Variants in POLA1 observed in about 807,000 individuals in gnomAD.
The protein encoded by POLA1 is DNA polymerase alpha catalytic subunit.
Under a neutral mutation model 124.0 loss-of-function variants are expected in POLA1, and 15 were observed. The observed-to-expected ratio is 0.12, with a 90% CI of 0.08 to 0.19. The LOEUF (loss-of-function observed/expected upper bound fraction) is 0.19. Among genes scored for constraint, POLA1 ranks in the 10% least tolerant of loss-of-function variants. The probability of loss-of-function intolerance (pLI) is 1.00; values close to 1 mark genes in which losing one functional copy is unlikely to be tolerated. For synonymous variants in POLA1, 408 were observed against 389.4 expected, an observed-to-expected ratio of 1.05 and a Z score of -0.56; for missense variants, 886 against 1,103.4, an observed-to-expected ratio of 0.80 and a Z score of 2.79.
intron 7 of POLA1, among the ~76,000 whole-genome samples, 200 bp downstream of exon 7, chrX:24,716,654 G>A (rs1411584049): frequency 1.8e-5 from 2 of 112,066 alleles, no homozygotes; most frequent in African/African-American, 6.5e-5. Flanking sequence ...GCAGTAACTA[G>A]TGTGTGTTTA....
At chrX:24,741,033 C>G (rs1170367190) in intron 20 of POLA1, among the ~76,000 whole-genome samples, 1 of 110,524 alleles carries the variant, frequency 9.0e-6, no homozygotes, top group African/African-American at 3.3e-5. Flanking sequence ...AATACATACT[C>G]ACTGGATGGA....
intron 26 of POLA1, among the ~76,000 whole-genome samples, chrX:24,798,544 A>G: frequency 9.0e-6 from 1 of 111,149 alleles, no homozygotes; most frequent in Non-Finnish European, 1.9e-5. Context: ...ATTTTAAGAA[A>G]CCATTTTTTT....
Position 24,996,095 on chromosome X carries a change from G to A in POLA1, c.*145G>A, listed in dbSNP as rs11573533. 10 of 495,954 alleles carry A rather than the reference G, an allele frequency of 2.0e-5. No homozygotes were observed. Among genetic ancestry groups the A allele is most frequent in the African/African-American group, 4.9e-5 (2 of 41,221 alleles). The allele number at this position is 495,954 out of a possible 1,213,427, so 40.9% of individuals were successfully genotyped here. A position where few individuals can be genotyped will look rare whatever the true frequency, so the allele number is the denominator to read the frequency against. Reference sequence around the variant, plus strand: ...TTTGTGTGAATGTAGACCAGGAAAGGGGGCTGCAAAAATGTTGAGTCTAAT... The same window carrying A: ...TTTGTGTGAATGTAGACCAGGAAAGAGGGCTGCAAAAATGTTGAGTCTAAT... On this transcript the variant is annotated 3_prime_UTR_variant, in exon 37 of 37. Transcript: ENST00000379068.
intron 36 of POLA1, among the ~76,000 whole-genome samples, chrX:24,961,873 T>C (rs764269983): frequency 8.4e-4 from 94 of 111,912 alleles, no homozygotes; most frequent in African/African-American, 2.9e-3. Context: ...ACCACCTTCA[T>C]GCCTGAAGCT....
At chrX:24,822,566 C>T (rs1390670221) in intron 31 of POLA1, among the ~76,000 whole-genome samples, 2 of 112,127 alleles carry the variant, frequency 1.8e-5, no homozygotes, top group African/African-American at 6.5e-5. Flanking sequence ...TGTGGATGTA[C>T]ATAACAAATG....
intron 32 of POLA1, among the ~76,000 whole-genome samples, chrX:24,834,830 A>ATT (rs948583899): frequency 1.8e-4 from 20 of 110,741 alleles, no homozygotes; most frequent in African/African-American, 6.5e-4. Context: ...AAAAATGTAT[A>ATT]TTATATATAT....
intron 36 of POLA1, among the ~76,000 whole-genome samples, chrX:24,944,922 C>T (rs1484110304): frequency 8.9e-6 from 1 of 111,883 alleles, no homozygotes; most frequent in African/African-American, 3.3e-5. Context: ...TGTTTTGTTC[C>T]TTCCTTCTGC....
intron 34 of POLA1, among the ~76,000 whole-genome samples, 168 bp downstream of exon 34, chrX:24,843,845 C>T (rs1048749855): frequency 8.9e-6 from 1 of 111,903 alleles, no homozygotes; most frequent in African/African-American, 3.2e-5. Context: ...ATTAGCATGA[C>T]AAATTATTTG....
At chrX:24,949,199 A>G (rs1464682618) in intron 36 of POLA1, among the ~76,000 whole-genome samples, 1 of 112,153 alleles carries the variant, frequency 8.9e-6, no homozygotes, top group Non-Finnish European at 1.9e-5. Context: ...GCAGCCACAA[A>G]CTGCGCATGA....
At chrX:24,747,753 AAGAC>A (rs1313229260) in intron 24 of POLA1, among the ~76,000 whole-genome samples, 2 of 84,576 alleles carry the variant, frequency 2.4e-5, no homozygotes, top group Non-Finnish European at 4.4e-5. Context: ...TTTTTTTTTT[AAGAC>A]AGAGTTTCGC....
At chrX:24,751,357 C>T (rs898380842) in intron 26 of POLA1, among the ~76,000 whole-genome samples, 6 of 111,744 alleles carry the variant, frequency 5.4e-5, no homozygotes, top group African/African-American at 1.9e-4. Flanking sequence ...AGTTTAAACA[C>T]AATTTTAATT....
At chrX:24,865,357 A>G (rs1190721550) in intron 34 of POLA1, among the ~76,000 whole-genome samples, 1 of 112,167 alleles carries the variant, frequency 8.9e-6, no homozygotes, top group Non-Finnish European at 1.9e-5. Flanking sequence ...CTAGTAGTAC[A>G]TGAAAGGTTG....
intron 34 of POLA1, among the ~76,000 whole-genome samples, chrX:24,864,476 G>A (rs1284107952): frequency 1.8e-5 from 2 of 111,510 alleles, no homozygotes; most frequent in African/African-American, 6.5e-5. Context: ...AATTTATGTA[G>A]CATTATAGCC....
intron 26 of POLA1, among the ~76,000 whole-genome samples, chrX:24,757,096 C>T (rs910330745): frequency 2.2e-4 from 24 of 111,150 alleles, no homozygotes; most frequent in Middle Eastern, 9.2e-3. Flanking sequence ...AAAGCAATAT[C>T]CTTTGTTAGT....
intron 26 of POLA1, among the ~76,000 whole-genome samples, chrX:24,764,352 AT>A (rs1372188279): frequency 4.5e-5 from 5 of 111,008 alleles, no homozygotes; most frequent in Non-Finnish European, 9.4e-5. Context: ...TTGCCCAGTT[AT>A]TTTTCAAGTT....
chrX:24,901,000 C>T (rs903275492), intron 35 of POLA1, among the ~76,000 whole-genome samples: 4 of 111,999 alleles, frequency 3.6e-5, no homozygotes, highest in Non-Finnish European at 7.5e-5. Flanking sequence ...ATCATATACT[C>T]CAAATTCATT....
chrX:24,699,648 A>G, intron 2 of POLA1, 99 bp downstream of exon 2: 2 of 663,453 alleles, frequency 3.0e-6, no homozygotes, highest in Non-Finnish European at 2.1e-6. Context: ...AGAAATACTC[A>G]TATATTTTAA....
At chrX:24,737,459 T>G (rs913923541) in intron 18 of POLA1, among the ~76,000 whole-genome samples, 166 bp from the exon 19 acceptor site, 1 of 112,205 alleles carries the variant, frequency 8.9e-6, no homozygotes, top group African/African-American at 3.2e-5. Flanking sequence ...GTGCTGCTGA[T>G]GAATAAATTC....
rs1320888033 is a variant in POLA1, at chrX:24,947,495, T to C, written c.4261+16946T>C. On this transcript the variant is annotated intron_variant, in intron 36 of 36. Transcript: ENST00000379068. ...CATGTTGCTCAAGTTGGTCTGCAAC[T>C]CCTGAACTGAAGAGATCCGCCTGCC... Among the ~76,000 whole-genome samples, 3 of 109,451 alleles carry C rather than the reference T, an allele frequency of 2.7e-5. No individual in the cohort carries two copies. The East Asian group carries it at 8.6e-4, about 31-fold the overall frequency.
Sources: allele counts gnomAD v4.1 joint callset (sites outside exome capture counted in the v4.1 genomes callset), GRCh38; gene constraint gnomAD v4.1.1; transcripts MANE v1.5; gene names NCBI Gene and HGNC (gene_info 2026-07-23, HGNC 2026-07-21).